The following MARCHF8 variants were observed in gnomAD, a reference collection of about 807,000 sequenced individuals.
The protein encoded by MARCHF8 is E3 ubiquitin-protein ligase MARCHF8.
In MARCHF8, 40 loss-of-function variants were observed where a neutral mutation model predicts 51.6. That is an observed-to-expected ratio of 0.77 (90% CI 0.60 to 1.01). MARCHF8 has a LOEUF of 1.01. Among genes scored for constraint, MARCHF8 ranks in the 50% least tolerant of loss-of-function variants. MARCHF8 has a pLI of 0.00. For synonymous variants in MARCHF8, 263 were observed against 280.3 expected (o/e 0.94, Z 0.62); for missense variants, 685 against 708.6 (o/e 0.97, Z 0.38).
chr10:45,480,860 G>GGGCACTGGGGCACTGCCT lies in MARCHF8; in HGVS notation c.153+8506_153+8507insAGGCAGTGCCCCAGTGCC, dbSNP rs1326147164. ...GTCCCCACTGGGGCACTGCCTAGTG[G>GGGCACTGGGGCACTGCCT]AGCTGTGAGAAGAGGGCCACCATCC... On this transcript the variant is annotated intron_variant, in intron 3 of 7. Coordinates refer to ENST00000453424, the MANE Select transcript of MARCHF8 (RefSeq NM_001282866.2). Among the ~76,000 whole-genome samples the GGGCACTGGGGCACTGCCT allele has an allele frequency of 2.0e-5, 3 of 152,354 alleles. No homozygotes were observed. The East Asian group carries it at 5.8e-4, about 29-fold the overall frequency.
At chr10:45,495,845 AAAG>A (rs1377399291) in intron 2 of MARCHF8, among the ~76,000 whole-genome samples, 1 of 151,904 alleles carries the variant, frequency 6.6e-6, no homozygotes, top group East Asian at 1.9e-4. Flanking sequence ...AAAAGAGAAA[AAAG>A]AAAAGAGAAG....
At chr10:45,552,614 T>C (rs1238063992) in intron 1 of MARCHF8, among the ~76,000 whole-genome samples, 1 of 152,232 alleles carries the variant, frequency 6.6e-6, no homozygotes, top group African/African-American at 2.4e-5. Context: ...CAAGGACGTA[T>C]TCTCATAGTC....
chr10:45,533,000 A>C, intron 2 of MARCHF8, 110 bp downstream of exon 2: 1 of 715,822 alleles, frequency 1.4e-6, no homozygotes, highest in Admixed American at 3.8e-5. Flanking sequence ...TGTGCTTGTC[A>C]GTATATTATC....
chr10:45,535,667 C>A (rs1476267193), upstream of MARCHF8, among the ~76,000 whole-genome samples: 2 of 152,128 alleles, frequency 1.3e-5, no homozygotes, highest in African/African-American at 2.4e-5. Flanking sequence ...ACAGGCCATG[C>A]CATTTTTTAT....
chr10:45,586,854 A>G (rs2044624039), intron 1 of MARCHF8, among the ~76,000 whole-genome samples: 1 of 152,092 alleles, frequency 6.6e-6, no homozygotes, highest in Non-Finnish European at 1.5e-5. Context: ...TGCTGGATAA[A>G]AGTCCTCTGT....
chr10:45,481,344 G>C (rs2042882510), intron 3 of MARCHF8, among the ~76,000 whole-genome samples: 4 of 152,204 alleles, frequency 2.6e-5, no homozygotes, highest in Admixed American at 2.6e-4. Flanking sequence ...GACTTTGGGG[G>C]ACTGTTGGGA....
intron 1 of MARCHF8, among the ~76,000 whole-genome samples, chr10:45,549,088 A>G (rs142504594): frequency 0.01 from 1,586 of 152,114 alleles, 20 homozygotes; most frequent in South Asian, 0.018. Flanking sequence ...ACAGTGTCTG[A>G]TCCCTATAGA....
intron 2 of MARCHF8, among the ~76,000 whole-genome samples, chr10:45,528,988 C>A (rs1330433617): frequency 6.6e-6 from 1 of 152,106 alleles, no homozygotes; most frequent in Non-Finnish European, 1.5e-5. Context: ...ACCCAAGGAA[C>A]CAGAAAAGAG....
intron 1 of MARCHF8, among the ~76,000 whole-genome samples, chr10:45,547,695 T>G (rs146083000): frequency 4.9e-4 from 74 of 152,322 alleles, no homozygotes; most frequent in African/African-American, 1.7e-3. Flanking sequence ...TGTTCCTGTC[T>G]TTGTTGTAGT....
chr10:45,573,520 T>G (rs2044455046), intron 1 of MARCHF8, among the ~76,000 whole-genome samples: 1 of 152,216 alleles, frequency 6.6e-6, no homozygotes, highest in Non-Finnish European at 1.5e-5. Context: ...GGCGAAGGAA[T>G]GCCTGAAGCC....
At chr10:45,552,566 A>C (rs1486338628) in intron 1 of MARCHF8, among the ~76,000 whole-genome samples, 1 of 152,228 alleles carries the variant, frequency 6.6e-6, no homozygotes, top group African/African-American at 2.4e-5. Context: ...GGGAAGACCT[A>C]GAATATTTCA....
intron 2 of MARCHF8, among the ~76,000 whole-genome samples, chr10:45,492,559 A>G (rs1337309431): frequency 6.6e-6 from 1 of 152,170 alleles, no homozygotes; most frequent in Admixed American, 6.5e-5. Context: ...GGCCTCCCAA[A>G]GTGCTGGGAT....
intron 2 of MARCHF8, among the ~76,000 whole-genome samples, chr10:45,529,878 T>C (rs1322516894): frequency 6.6e-6 from 1 of 152,164 alleles, no homozygotes; most frequent in Non-Finnish European, 1.5e-5. Flanking sequence ...GAAAACAATA[T>C]GGAGACTTCT....
chr10:45,590,589 A>G (rs890831618), intron 1 of MARCHF8, among the ~76,000 whole-genome samples: 2 of 152,246 alleles, frequency 1.3e-5, no homozygotes, highest in African/African-American at 4.8e-5. Flanking sequence ...GAAGAAAAAC[A>G]TGGATGAAAC....
intron 3 of MARCHF8, among the ~76,000 whole-genome samples, chr10:45,476,926 G>T (rs1408870424): frequency 6.6e-6 from 1 of 152,058 alleles, no homozygotes; most frequent in Non-Finnish European, 1.5e-5. Flanking sequence ...AAACAAAAAA[G>T]ATGGAATATC....
intron 1 of MARCHF8, among the ~76,000 whole-genome samples, chr10:45,566,748 C>A (rs2044369116): frequency 1.1e-5 from 1 of 90,830 alleles, no homozygotes; most frequent in Admixed American, 1.8e-4. Context: ...GCAGGTATCT[C>A]TTTGATATAT....
At chr10:45,545,450 A>T (rs2044108088) in intron 1 of MARCHF8, among the ~76,000 whole-genome samples, 3 of 152,352 alleles carry the variant, frequency 2.0e-5, no homozygotes, top group South Asian at 2.1e-4. Context: ...ATGTTTGTCA[A>T]CCTGGTACAA....
At chr10:45,553,350 A>G (rs1320030371) in intron 1 of MARCHF8, 3 of 152,244 alleles carry the variant, frequency 2.0e-5, no homozygotes, top group African/African-American at 7.2e-5. Context: ...TACAAGAACA[A>G]TAATACAGAA....
chr10:45,500,861 C>A (rs7076198), intron 2 of MARCHF8, among the ~76,000 whole-genome samples: 11 of 150,196 alleles, frequency 7.3e-5, no homozygotes, highest in South Asian at 4.2e-4. Flanking sequence ...AACTGCATTG[C>A]TATATATATA....
Sources: gnomAD v4.1 joint callset for allele counts (sites outside exome capture counted in the v4.1 genomes callset) on GRCh38, gnomAD v4.1.1 for gene constraint, MANE v1.5 for transcripts, NCBI Gene and HGNC (gene_info 2026-07-23, HGNC 2026-07-21) for gene names.